The following EPM2A variants were observed in gnomAD, a reference collection of about 807,000 sequenced individuals.
EPM2A encodes laforin.
EPM2A carries 21 observed loss-of-function variants against 26.5 expected under a neutral mutation model. That is an observed-to-expected ratio of 0.79 (90% CI 0.56 to 1.14). EPM2A has a LOEUF of 1.14. Among genes scored for constraint, EPM2A ranks in the 50% most tolerant of loss-of-function variants. The pLI is 0.00. For synonymous variants in EPM2A, 217 were observed against 177.6 expected (o/e 1.22, Z -1.76); for missense variants, 458 against 440.8 (o/e 1.04, Z -0.35).
chr6:145,625,026 T>C (rs1347991202), downstream of EPM2A, among the ~76,000 whole-genome samples: 1 of 152,244 alleles, frequency 6.6e-6, no homozygotes, highest in African/African-American at 2.4e-5. Context: ...TGAAAAGTTT[T>C]GTTAAACACC....
At chr6:145,711,765 G>C (rs1775341954) in intron 1 of EPM2A, among the ~76,000 whole-genome samples, 1 of 151,972 alleles carries the variant, frequency 6.6e-6, no homozygotes, top group South Asian at 2.1e-4. Context: ...TGGACTAATA[G>C]AGCCTAATAA....
intron 1 of EPM2A, among the ~76,000 whole-genome samples, chr6:145,725,582 T>C (rs1776162220): frequency 1.3e-5 from 2 of 152,012 alleles, no homozygotes; most frequent in Non-Finnish European, 2.9e-5. Context: ...TGGGACATCA[T>C]CCAGCAATAA....
intron 2 of EPM2A, among the ~76,000 whole-genome samples, chr6:145,604,374 CTATT>C (rs1781455781): frequency 6.6e-6 from 1 of 152,000 alleles, no homozygotes; most frequent in South Asian, 2.1e-4. Context: ...GATACCTTGA[CTATT>C]TAGTATGTCT....
intron 4 of EPM2A, among the ~76,000 whole-genome samples, chr6:145,411,089 C>T (rs1483897226): frequency 6.6e-6 from 1 of 152,076 alleles, no homozygotes; most frequent in Non-Finnish European, 1.5e-5. Flanking sequence ...TAGGGGGAGT[C>T]TGATGATTAT....
rs1275275676 is a variant in EPM2A, at chr6:145,594,688, AG to A, written c.340+40556del. On this transcript the variant is annotated intron_variant, in intron 2 of 3. Transcript: ENST00000450221. ...TTTTTAAAGAAATATTCCTAGAATT[AG>A]AATTGCCAGATAAAAAGGTATGTAC... 2.0e-5 allele frequency among the ~76,000 whole-genome samples: 3 copies of A among 152,088 alleles called. No individual in the cohort carries two copies. In the East Asian group the frequency reaches 5.8e-4, roughly 29 times the overall value.
intron 2 of EPM2A, among the ~76,000 whole-genome samples, chr6:145,513,364 C>T (rs1281837046): frequency 6.6e-6 from 1 of 152,124 alleles, no homozygotes; most frequent in Admixed American, 6.6e-5. Flanking sequence ...TACCATGTTA[C>T]ATCAATCAGA....
chr6:145,609,045 A>G (rs2128551618), intron 2 of EPM2A, among the ~76,000 whole-genome samples: 1 of 152,350 alleles, frequency 6.6e-6, no homozygotes, highest in East Asian at 1.9e-4. Context: ...TTGTCCTTTG[A>G]AACAGTAAAA....
rs942646610 is a variant in EPM2A, at chr6:145,387,201, C to T, written c.556-3104G>A. Reference sequence around the variant, plus strand: ...AACAGAGATAGCTTTGTTCTGTTTGCAGGATTATATTATATAGTAAATGAT... The same window carrying T: ...AACAGAGATAGCTTTGTTCTGTTTGTAGGATTATATTATATAGTAAATGAT... On this transcript the variant is annotated intron_variant, in intron 4 of 4. Coordinates refer to the EPM2A transcript ENST00000638717. Among the ~76,000 whole-genome samples, 7 of 152,218 alleles carry T rather than the reference C, an allele frequency of 4.6e-5. No individual in the cohort carries two copies. The East Asian group carries it at 1.4e-3, about 29-fold the overall frequency.
chr6:145,660,208 T>G (rs924756717), intron 2 of EPM2A, among the ~76,000 whole-genome samples: 3 of 152,050 alleles, frequency 2.0e-5, no homozygotes, highest in Non-Finnish European at 4.4e-5. Context: ...CCAAAATCAT[T>G]CCTCAGGTAT....
chr6:145,425,566 G>T (rs927954385), intron 4 of EPM2A, among the ~76,000 whole-genome samples: 4 of 149,842 alleles, frequency 2.7e-5, no homozygotes, highest in African/African-American at 9.8e-5. Flanking sequence ...GGAATAGTTT[G>T]CCAAAGATAG....
At chr6:145,681,053 G>C (rs550856930) in intron 2 of EPM2A, among the ~76,000 whole-genome samples, 1 of 152,292 alleles carries the variant, frequency 6.6e-6, no homozygotes, top group South Asian at 2.1e-4. Flanking sequence ...TCCAGCACCT[G>C]TTGTTTCCTG....
chr6:145,554,238 G>A (rs1229941948), intron 2 of EPM2A, among the ~76,000 whole-genome samples: 2 of 151,922 alleles, frequency 1.3e-5, no homozygotes, highest in Non-Finnish European at 2.9e-5. Flanking sequence ...AATACTAAGG[G>A]GGGTAGTATG....
At chr6:145,555,174 A>G (rs1780711839) in intron 2 of EPM2A, among the ~76,000 whole-genome samples, 1 of 152,104 alleles carries the variant, frequency 6.6e-6, no homozygotes, top group Admixed American at 6.6e-5. Flanking sequence ...TCGTTCTATT[A>G]GTGTTTGGCA....
At chr6:145,678,741 C>T (rs1415548641) in intron 2 of EPM2A, among the ~76,000 whole-genome samples, 1 of 152,108 alleles carries the variant, frequency 6.6e-6, no homozygotes, top group African/African-American at 2.4e-5. Context: ...ATTAAAAAGT[C>T]AGGAAACAAC....
At chr6:145,419,178 TG>T (rs1378589630) in intron 4 of EPM2A, among the ~76,000 whole-genome samples, 8 of 67,062 alleles carry the variant, frequency 1.2e-4, no homozygotes, top group African/African-American at 3.6e-4. Flanking sequence ...TTCTGTTAAA[TG>T]TCCCCCCCCC....
chr6:145,697,556 G>A (rs1220771049), intron 1 of EPM2A, among the ~76,000 whole-genome samples: 1 of 152,140 alleles, frequency 6.6e-6, no homozygotes, highest in Non-Finnish European at 1.5e-5. Flanking sequence ...AGCACTATGG[G>A]AGACTGGGGT....
At chr6:145,468,607 C>G (rs1236278620) in intron 4 of EPM2A, among the ~76,000 whole-genome samples, 2 of 147,088 alleles carry the variant, frequency 1.4e-5, no homozygotes, top group Non-Finnish European at 3.0e-5. Context: ...AGACCTCTAT[C>G]TCTCATCATA....
At chr6:145,481,544 A>G (rs904094269) in intron 4 of EPM2A, among the ~76,000 whole-genome samples, 2 of 152,100 alleles carry the variant, frequency 1.3e-5, no homozygotes, top group African/African-American at 4.8e-5. Flanking sequence ...ATAGTTAACT[A>G]TAAGGGGCCA....
chr6:145,610,177 G>A (rs890787246), intron 2 of EPM2A, among the ~76,000 whole-genome samples: 3 of 150,550 alleles, frequency 2.0e-5, no homozygotes, highest in African/African-American at 7.4e-5. Context: ...TCGTGCCACT[G>A]CACTCCAGCC....
Sources: allele counts gnomAD v4.1 joint callset (sites outside exome capture counted in the v4.1 genomes callset), GRCh38; gene constraint gnomAD v4.1.1; transcripts MANE v1.5; gene names NCBI Gene and HGNC (gene_info 2026-07-23, HGNC 2026-07-21).